MYO9A: variants seen among roughly 807,000 people sequenced by gnomAD.
MYO9A encodes unconventional myosin-IXa.
Under a neutral mutation model 293.3 loss-of-function variants are expected in MYO9A, and 103 were observed. That is an observed-to-expected ratio of 0.35 (90% CI 0.30 to 0.41). The LOEUF (loss-of-function observed/expected upper bound fraction) is 0.41. Among genes scored for constraint, MYO9A ranks in the 10% least tolerant of loss-of-function variants. The pLI is 1.00. For synonymous variants in MYO9A, 1,001 were observed against 1,035.7 expected (o/e 0.97, Z 0.64); for missense variants, 2,685 against 3,033.0 (o/e 0.89, Z 2.69).
At chr15:72,111,575 G>A (rs1038680089) in intron 1 of MYO9A, among the ~76,000 whole-genome samples, 15 of 151,642 alleles carry the variant, frequency 9.9e-5, no homozygotes, top group African/African-American at 3.4e-4. Context: ...CTATATGCTT[G>A]GTGCTTTACA....
In MYO9A at chr15:71,851,366, CAGTA is replaced by C; in HGVS notation, c.6476-12_6476-9del. 1 of 1,602,780 alleles carries C rather than the reference CAGTA, an allele frequency of 6.2e-7. No homozygotes were observed. The highest frequency in any genetic ancestry group is 8.5e-7 in the Non-Finnish European group (1 of 1,170,574). ...CCTTCCTCTCCTGAAGGCCTAAAAACAGTAAGAGCAGAAACTAAGACTAAATATC... is the reference window on the plus strand; with the variant it reads ...CCTTCCTCTCCTGAAGGCCTAAAAACAGAGCAGAAACTAAGACTAAATATC... On this transcript the variant is annotated splice_polypyrimidine_tract_variant and intron_variant, in intron 36 of 41. Transcript: ENST00000356056.
At chr15:71,931,142 C>G (rs1243896388) in intron 18 of MYO9A, among the ~76,000 whole-genome samples, 2 of 152,168 alleles carry the variant, frequency 1.3e-5, no homozygotes, top group African/African-American at 2.4e-5. Context: ...TTGAATTAGA[C>G]AGTGTACTTA....
Position 72,072,585 on chromosome 15 carries a change from T to A in MYO9A, c.-71-25951A>T, listed in dbSNP as rs570246589. Among the ~76,000 whole-genome samples, 10 of 152,320 alleles carry A rather than the reference T, an allele frequency of 6.6e-5. No individual in the cohort carries two copies. The East Asian group carries it at 1.9e-3, about 29-fold the overall frequency. Reference sequence around the variant, plus strand: ...AATATCACACTACCATAAAAAATAATGAAATCATGTCCTTTGCAGCAATAT... The same window carrying A: ...AATATCACACTACCATAAAAAATAAAGAAATCATGTCCTTTGCAGCAATAT... On this transcript the variant is annotated intron_variant, in intron 1 of 41. Coordinates refer to ENST00000356056, the MANE Select transcript of MYO9A (RefSeq NM_006901.4).
rs931101387 is a variant in MYO9A, at chr15:72,091,774, C to T, written c.-72+25906G>A. On this transcript the variant is annotated intron_variant, in intron 1 of 41. Coordinates refer to ENST00000356056, the MANE Select transcript of MYO9A (RefSeq NM_006901.4). Reference sequence around the variant, plus strand: ...TCTTGCCCAGGATGGAGTGCAGTGGCGCGATCTCGGCTCACTGCAAGCTCC... The same window carrying T: ...TCTTGCCCAGGATGGAGTGCAGTGGTGCGATCTCGGCTCACTGCAAGCTCC... Among the ~76,000 whole-genome samples, 17 of 150,696 alleles carry T rather than the reference C, an allele frequency of 1.1e-4. 1 individual carries two copies. The highest frequency in any genetic ancestry group is 4.1e-4 in the African/African-American group (17 of 40,994).
At chr15:72,010,258 A>G in intron 7 of MYO9A, 92 bp downstream of exon 7, 3 of 998,364 alleles carry the variant, frequency 3.0e-6, no homozygotes, top group Non-Finnish European at 4.6e-6. Flanking sequence ...TACCACTTAG[A>G]AAACTATTTA....
chr15:72,041,079 T>C (rs1596453079), intron 2 of MYO9A: 2 of 463,990 alleles, frequency 4.3e-6, no homozygotes, highest in East Asian at 1.2e-4. Flanking sequence ...ACTCCATCTC[T>C]ACAAAAAATA....
chr15:71,833,464 T>C (rs1472043007), intron 39 of MYO9A, among the ~76,000 whole-genome samples: 2 of 152,092 alleles, frequency 1.3e-5, no homozygotes. Context: ...AAGAAATTGC[T>C]TCAAAAAATT....
chr15:71,893,004 T>G, intron 26 of MYO9A: 1 of 1,289,232 alleles, frequency 7.8e-7, no homozygotes, highest in South Asian at 1.2e-5. Flanking sequence ...CCAGGCTGGG[T>G]GCAGGCCCTA....
intron 15 of MYO9A, among the ~76,000 whole-genome samples, chr15:71,944,627 T>C (rs780008312): frequency 1.3e-5 from 2 of 152,164 alleles, no homozygotes; most frequent in Admixed American, 6.6e-5. Context: ...CACTAAATTA[T>C]CTTGGTGCCT....
chr15:72,002,028 T>C (rs1046657327), intron 8 of MYO9A, among the ~76,000 whole-genome samples: 1 of 152,128 alleles, frequency 6.6e-6, no homozygotes, highest in African/African-American at 2.4e-5. Flanking sequence ...CCCAAGGCAG[T>C]AGGACTGCTT....
intron 26 of MYO9A, among the ~76,000 whole-genome samples, chr15:71,888,918 CA>C (rs2057097579): frequency 6.6e-6 from 1 of 152,028 alleles, no homozygotes; most frequent in Non-Finnish European, 1.5e-5. Context: ...CTGAAACCAA[CA>C]AAAAACCCAG....
At chr15:71,921,435 T>C (rs531061895) in intron 18 of MYO9A, among the ~76,000 whole-genome samples, 7 of 152,352 alleles carry the variant, frequency 4.6e-5, no homozygotes, top group Middle Eastern at 3.4e-3. Flanking sequence ...TTTTGACTTA[T>C]CCTGCAAAAC....
intron 11 of MYO9A, among the ~76,000 whole-genome samples, chr15:71,982,604 G>A (rs2076304014): frequency 6.6e-6 from 1 of 152,118 alleles, no homozygotes; most frequent in African/African-American, 2.4e-5. Flanking sequence ...TCAGGCCTAA[G>A]GGCAGGAAAC....
chr15:71,928,045 TA>T (rs1567282197), intron 18 of MYO9A, among the ~76,000 whole-genome samples: 17 of 10,896 alleles, frequency 1.6e-3, no homozygotes, highest in Non-Finnish European at 4.5e-3. Flanking sequence ...TATATATATA[TA>T]TATATATATA....
chr15:72,087,062 GCCCA>G (rs1227945251), intron 1 of MYO9A, among the ~76,000 whole-genome samples: 2 of 152,144 alleles, frequency 1.3e-5, no homozygotes, highest in Non-Finnish European at 2.9e-5. Context: ...CACCGCCCCG[GCCCA>G]CAGGAGCTAT....
rs183020738 is a variant in MYO9A, at chr15:71,996,653, T to C, written c.1471-2068A>G. ...CCTTTGTTTGCCTTGCTTCCCATTA[T>C]TCAAGTCATTACTAGGTCCTGCTGA... On this transcript the variant is annotated intron_variant, in intron 9 of 41. Transcript: ENST00000356056. 3.3e-5 allele frequency among the ~76,000 whole-genome samples: 5 copies of C among 152,060 alleles called. No homozygotes were observed. In the East Asian group the frequency reaches 9.7e-4, roughly 29 times the overall value.
intron 11 of MYO9A, among the ~76,000 whole-genome samples, 166 bp from the exon 12 acceptor site, chr15:71,978,458 C>T (rs1485237577): frequency 2.0e-5 from 3 of 152,110 alleles, no homozygotes; most frequent in African/African-American, 4.8e-5. Context: ...CTTAATACAA[C>T]GTATTTGTTT....
chr15:71,943,071 A>G (rs2058819884), intron 15 of MYO9A, among the ~76,000 whole-genome samples: 1 of 152,010 alleles, frequency 6.6e-6, no homozygotes. Context: ...CTACTGAAAA[A>G]TTCATTGAGA....
At chr15:72,112,495 A>AT (rs1277924298) in intron 1 of MYO9A, among the ~76,000 whole-genome samples, 2 of 152,196 alleles carry the variant, frequency 1.3e-5, no homozygotes, top group East Asian at 3.8e-4. Context: ...CTATCATATT[A>AT]TTTTCTGCCA....
Sources: allele counts gnomAD v4.1 joint callset (sites outside exome capture counted in the v4.1 genomes callset), GRCh38; gene constraint gnomAD v4.1.1; transcripts MANE v1.5; gene names NCBI Gene and HGNC (gene_info 2026-07-23, HGNC 2026-07-21).